CATSPERE: variants seen among roughly 807,000 people sequenced by gnomAD.
The protein encoded by CATSPERE is cation channel sperm-associated auxiliary subunit epsilon.
In CATSPERE, 93 loss-of-function variants were observed where a neutral mutation model predicts 114.1. The observed-to-expected ratio is 0.81, with a 90% CI of 0.69 to 0.97. CATSPERE has a LOEUF of 0.97. CATSPERE is among the 50% of genes least tolerant of loss of function. The pLI, the probability that CATSPERE is intolerant of heterozygous loss-of-function variation, is 0.00. For synonymous variants in CATSPERE, 341 were observed against 384.1 expected (o/e 0.89, Z 1.31); for missense variants, 1,058 against 1,131.6 (o/e 0.93, Z 0.93).
At position 244,632,035 on chromosome 1, in the gene CATSPERE, T is replaced by C. The variant is rs1432341668; in HGVS notation, c.2649-3454T>C. ...GTGAGCTGTGATGGTGCCACTGCAC[T>C]CTAGCCTGGGTGATAGAGTGAGAAC... On this transcript the variant is annotated intron_variant, in intron 20 of 21. Coordinates refer to ENST00000366534, the MANE Select transcript of CATSPERE (RefSeq NM_001130957.2). 2.0e-5 allele frequency among the ~76,000 whole-genome samples: 3 copies of C among 152,130 alleles called. No individual in the cohort carries two copies. In the East Asian group the frequency reaches 5.8e-4, roughly 29 times the overall value.
At chr1:244,496,586 C>T (rs561460515) in intron 6 of CATSPERE, among the ~76,000 whole-genome samples, 2 of 152,262 alleles carry the variant, frequency 1.3e-5, no homozygotes, top group Non-Finnish European at 2.9e-5. Context: ...ACCTATATGA[C>T]AAAACTTCAG....
chr1:244,461,582 G>T (rs879425066), intron 1 of CATSPERE, 88 bp downstream of exon 1: 1 of 1,123,656 alleles, frequency 8.9e-7, no homozygotes, highest in Non-Finnish European at 1.1e-6. Context: ...CACCCCATGC[G>T]CCTCGGGACC....
At chr1:244,625,429 T>A in intron 20 of CATSPERE, among the ~76,000 whole-genome samples, 1 of 30,184 alleles carries the variant, frequency 3.3e-5, no homozygotes, top group Non-Finnish European at 6.0e-5. Flanking sequence ...TATATATATA[T>A]ATATTTTTTT....
chr1:244,468,884 C>G (rs2148103836), intron 2 of CATSPERE, among the ~76,000 whole-genome samples: 1 of 152,292 alleles, frequency 6.6e-6, no homozygotes, highest in African/African-American at 2.4e-5. Flanking sequence ...TGCCACTGCA[C>G]TCCAGCCTGG....
rs1473610867 is a variant in CATSPERE, at chr1:244,552,334, T to G, written c.549T>G (p.Ile183Met). The change falls in exon 9 of 22, where the codon ATT becomes ATG. Residue 183 changes from isoleucine (I) to methionine (M), a missense_variant. By Grantham distance (10) the Ile-to-Met change is conservative. Coordinates refer to ENST00000366534, the MANE Select transcript of CATSPERE (RefSeq NM_001130957.2). ...TTTCTCTTCTTAGGACCTGGCGTAT[T>G]GTAGTACCAATGACAAAAGATGATG... ...NEKMRRGTWRIVVPMTKDDAL... is the reference protein window; with the variant it reads ...NEKMRRGTWRMVVPMTKDDAL... The G allele has an allele frequency of 3.1e-6, 5 of 1,609,852 alleles. No individual in the cohort carries two copies. In the African/African-American group the frequency reaches 6.7e-5, roughly 22 times the overall value.
At chr1:244,451,262 C>T (rs1025134976), upstream of CATSPERE, among the ~76,000 whole-genome samples, 1 of 152,166 alleles carries the variant, frequency 6.6e-6, no homozygotes, top group Non-Finnish European at 1.5e-5. This position sits in a 1 kb window ranked among gnomAD's most constrained non-coding sequence, Gnocchi z 6.6. Context: ...GAGTTGGGAG[C>T]AGGCCTCGGG....
chr1:244,621,308 T>TAG (rs1672333343), intron 20 of CATSPERE, among the ~76,000 whole-genome samples: 11 of 91,590 alleles, frequency 1.2e-4, no homozygotes, highest in African/African-American at 5.1e-4. Context: ...AATATATAAA[T>TAG]ATATAAAATA....
At chr1:244,501,641 C>CT (rs938403970) in intron 7 of CATSPERE, among the ~76,000 whole-genome samples, 2 of 152,218 alleles carry the variant, frequency 1.3e-5, no homozygotes, top group African/African-American at 4.8e-5. Flanking sequence ...TAATTAAACA[C>CT]TTTAAGTATG....
chr1:244,613,312 A>C (rs372508025), intron 19 of CATSPERE, among the ~76,000 whole-genome samples: 56 of 152,312 alleles, frequency 3.7e-4, no homozygotes, highest in African/African-American at 1.3e-3. Flanking sequence ...CAAGTCTTTT[A>C]CTTATTTTTC....
At chr1:244,588,988 C>T (rs1298958578) in intron 14 of CATSPERE, among the ~76,000 whole-genome samples, 3 of 152,166 alleles carry the variant, frequency 2.0e-5, no homozygotes, top group African/African-American at 7.2e-5. Context: ...TGGGAAATTT[C>T]TTAGAACAAG....
chr1:244,497,863 A>G (rs1472144698), intron 6 of CATSPERE, among the ~76,000 whole-genome samples: 1 of 152,174 alleles, frequency 6.6e-6, no homozygotes. Flanking sequence ...TCAGACTGGC[A>G]GTAATCAATG....
At chr1:244,570,983 A>C (rs551622199) in intron 10 of CATSPERE, among the ~76,000 whole-genome samples, 2 of 152,346 alleles carry the variant, frequency 1.3e-5, no homozygotes, top group South Asian at 4.1e-4. Flanking sequence ...AACCTGGCTA[A>C]AGAACAGACA....
In CATSPERE at chr1:244,583,905, G is replaced by T; in HGVS notation, c.2051G>T (p.Ser684Ile). The T allele has an allele frequency of 6.2e-7, 1 of 1,614,114 alleles. No individual in the cohort carries two copies. Among genetic ancestry groups the T allele is most frequent in the Non-Finnish European group, 8.5e-7 (1 of 1,179,974 alleles). ...TGLVLVQFRP[S>I]EYSKACPIAQ... is the part of the protein sequence containing the mutation. Reference sequence around the variant, plus strand: ...CTTGTGCTGGTTCAGTTTCGACCTAGTGAATATTCAAAAGCATGTCCAATA... The same window carrying T: ...CTTGTGCTGGTTCAGTTTCGACCTATTGAATATTCAAAAGCATGTCCAATA... Residue 684 changes from serine (S) to isoleucine (I), a missense_variant, in exon 13 of 22, where the codon AGT (serine) becomes ATT (isoleucine). By Grantham distance (142) the Ser-to-Ile change is moderately radical (BLOSUM62 -2). Around this residue, in one of 2 missense-constraint regions of CATSPERE, gnomAD observed 787 missense variants for 905.6 expected, o/e 0.87. Transcript: ENST00000366534.
chr1:244,525,281 T>C (rs1414747785), intron 8 of CATSPERE, among the ~76,000 whole-genome samples: 6 of 141,614 alleles, frequency 4.2e-5, no homozygotes, highest in African/African-American at 1.6e-4. Context: ...TAGGTGGGAA[T>C]TGAACAATGA....
intron 7 of CATSPERE, among the ~76,000 whole-genome samples, chr1:244,511,170 C>CT (rs1488480034): frequency 1.3e-5 from 2 of 152,150 alleles, no homozygotes; most frequent in African/African-American, 4.8e-5. Flanking sequence ...CTAAATAATG[C>CT]TATATCCTCT....
At chr1:244,610,375 G>T (rs766737859) in intron 19 of CATSPERE, 49 bp downstream of exon 19, 1 of 1,383,548 alleles carries the variant, frequency 7.2e-7, no homozygotes, top group Non-Finnish European at 1.0e-6. Flanking sequence ...TAACTAATCT[G>T]GCATTTTGCT....
intron 7 of CATSPERE, 132 bp from the exon 8 acceptor site, chr1:244,518,460 T>C: frequency 1.7e-6 from 1 of 600,154 alleles, no homozygotes; most frequent in Non-Finnish European, 2.9e-6. Context: ...AAGCTGAATC[T>C]TGAGCACATG....
chr1:244,572,230 G>A (rs758748212), intron 10 of CATSPERE, 100 bp from the exon 11 acceptor site: 57 of 656,776 alleles, frequency 8.7e-5, no homozygotes, highest in Non-Finnish European at 1.4e-4. Context: ...GAAAATACTC[G>A]GTCATTATCA....
At chr1:244,618,168 C>G (rs1236602410) in intron 20 of CATSPERE, among the ~76,000 whole-genome samples, 1 of 152,178 alleles carries the variant, frequency 6.6e-6, no homozygotes, top group Non-Finnish European at 1.5e-5. Context: ...CACAGAACAT[C>G]AGTAGAATTT....
Sources: allele counts gnomAD v4.1 joint callset (sites outside exome capture counted in the v4.1 genomes callset), GRCh38; gene constraint gnomAD v4.1.1; regional missense constraint gnomAD v4.1.1; non-coding constraint Gnocchi (gnomAD v3.1); transcripts MANE v1.5; gene names NCBI Gene and HGNC (gene_info 2026-07-23, HGNC 2026-07-21).